Variants in SUMF1 observed in about 807,000 individuals in gnomAD.
The protein encoded by SUMF1 is formylglycine-generating enzyme.
Under a neutral mutation model 47.6 loss-of-function variants are expected in SUMF1, and 48 were observed. That is an observed-to-expected ratio of 1.01 (90% CI 0.80 to 1.28). The LOEUF (loss-of-function observed/expected upper bound fraction) is 1.28. Ranked by LOEUF, SUMF1 falls within the 50% of genes most tolerant of loss-of-function variation. The pLI, the probability that SUMF1 is intolerant of heterozygous loss-of-function variation, is 0.00. For missense variants in SUMF1, 571 were observed against 485.4 expected (o/e 1.18, Z -1.66); for synonymous variants, 230 against 192.1 (o/e 1.20, Z -1.63).
intron 8 of SUMF1, among the ~76,000 whole-genome samples, chr3:4,224,263 AG>A (rs1696128212): frequency 6.6e-6 from 1 of 152,112 alleles, no homozygotes; most frequent in Non-Finnish European, 1.5e-5. Flanking sequence ...AGACCTGGAA[AG>A]GGGAGAAAAA....
intron 8 of SUMF1, among the ~76,000 whole-genome samples, chr3:4,337,413 T>C (rs1342207371): frequency 6.6e-6 from 1 of 152,074 alleles, no homozygotes; most frequent in East Asian, 1.9e-4. Flanking sequence ...AATTACTTCA[T>C]TACTGGATGA....
At chr3:4,149,361 T>C (rs1270869248) in intron 8 of SUMF1, among the ~76,000 whole-genome samples, 1 of 152,096 alleles carries the variant, frequency 6.6e-6, no homozygotes, top group African/African-American at 2.4e-5. Flanking sequence ...CTATACACCA[T>C]TTTCTCCTTA....
At position 4,037,720 on chromosome 3, in the gene SUMF1, T is replaced by C. The variant is rs142536185; in HGVS notation, c.1191+30849A>G. On this transcript the variant is annotated intron_variant and NMD_transcript_variant, in intron 9 of 12. Transcript: ENST00000448413. ...AACTGATGCAATCATTTAGAGGACA[T>C]AGACACTTGGGTCATTTGGGTTGCC... 2.8e-3 allele frequency among the ~76,000 whole-genome samples: 430 copies of C among 152,300 alleles called. 8 individuals carry two copies. The highest frequency in any genetic ancestry group is 0.024 in the East Asian group (122 of 5,180).
At chr3:4,266,993 T>C (rs1697209169) in intron 8 of SUMF1, among the ~76,000 whole-genome samples, 2 of 152,178 alleles carry the variant, frequency 1.3e-5, no homozygotes, top group African/African-American at 4.8e-5. Flanking sequence ...CATGTGGTTT[T>C]TGTCTTTGGT....
At chr3:4,325,312 A>C (rs1344074966) in intron 8 of SUMF1, among the ~76,000 whole-genome samples, 1 of 152,160 alleles carries the variant, frequency 6.6e-6, no homozygotes, top group East Asian at 1.9e-4. Context: ...CATGGCTAGG[A>C]AGGCTCATTT....
intron 8 of SUMF1, among the ~76,000 whole-genome samples, chr3:4,138,708 T>C (rs1694002480): frequency 6.6e-6 from 1 of 152,118 alleles, no homozygotes; most frequent in African/African-American, 2.4e-5. Flanking sequence ...CCTTTCAGAC[T>C]TCACTTTATG....
intron 8 of SUMF1, among the ~76,000 whole-genome samples, chr3:4,241,266 T>C (rs1876613): frequency 0.39 from 58,993 of 151,964 alleles, 11,967 homozygotes; most frequent in Non-Finnish European, 0.45. Flanking sequence ...GATTAATACA[T>C]CCAGACTATC....
Position 4,296,917 on chromosome 3 carries a change from G to A in SUMF1, c.1014+79413C>T, listed in dbSNP as rs1295716461. ...TTATAATAATATAGTTATGTAATGT[G>A]AATCGAAAAAGAGACTGAAACCAGA... On this transcript the variant is annotated intron_variant and NMD_transcript_variant, in intron 8 of 12. Coordinates refer to the SUMF1 transcript ENST00000448413. Among the ~76,000 whole-genome samples, 16 of 152,260 alleles carry A rather than the reference G, an allele frequency of 1.1e-4. No individual in the cohort carries two copies. The South Asian group carries it at 2.3e-3, about 22-fold the overall frequency.
At chr3:4,216,859 A>T (rs901862576) in intron 8 of SUMF1, among the ~76,000 whole-genome samples, 1 of 152,214 alleles carries the variant, frequency 6.6e-6, no homozygotes, top group Non-Finnish European at 1.5e-5. Context: ...AAAAGTCAGG[A>T]AACAACAGAT....
At chr3:4,455,625 G>A (rs1039105618) in intron 1 of SUMF1, among the ~76,000 whole-genome samples, 2 of 152,212 alleles carry the variant, frequency 1.3e-5, no homozygotes, top group African/African-American at 4.8e-5. Context: ...GCTGAGGCAG[G>A]AGAATCACTG....
chr3:4,144,427 G>A (rs1013191411), intron 8 of SUMF1, among the ~76,000 whole-genome samples: 1 of 152,070 alleles, frequency 6.6e-6, no homozygotes, highest in Non-Finnish European at 1.5e-5. Flanking sequence ...TGGGAGCTTT[G>A]GACTCTGACA....
intron 9 of SUMF1, among the ~76,000 whole-genome samples, chr3:4,056,981 C>T (rs1353616091): frequency 6.6e-6 from 1 of 152,156 alleles, no homozygotes; most frequent in Non-Finnish European, 1.5e-5. Flanking sequence ...CTCCTGACCT[C>T]GTGATCCACC....
At chr3:4,180,736 C>G (rs1355924186) in intron 8 of SUMF1, among the ~76,000 whole-genome samples, 3 of 80,686 alleles carry the variant, frequency 3.7e-5, no homozygotes, top group Non-Finnish European at 5.0e-5. Flanking sequence ...TCCTATGGTC[C>G]CAGCTATTTG....
chr3:4,170,280 T>C (rs1489290516), intron 8 of SUMF1, among the ~76,000 whole-genome samples: 1 of 152,228 alleles, frequency 6.6e-6, no homozygotes. Context: ...TCTATATCAA[T>C]GGTTCTCAAA....
intron 8 of SUMF1, among the ~76,000 whole-genome samples, chr3:4,122,645 A>G (rs1323461435): frequency 6.6e-6 from 1 of 152,212 alleles, no homozygotes; most frequent in Non-Finnish European, 1.5e-5. Context: ...TTAAGAATCC[A>G]AAGTCCTCAT....
At chr3:4,071,408 G>C (rs185341127) in intron 8 of SUMF1, among the ~76,000 whole-genome samples, 20 of 152,268 alleles carry the variant, frequency 1.3e-4, no homozygotes, top group African/African-American at 4.6e-4. Flanking sequence ...GAAGCCATGA[G>C]AGACTGTAAC....
chr3:4,232,890 A>T (rs1181738046), intron 8 of SUMF1, among the ~76,000 whole-genome samples: 1 of 152,132 alleles, frequency 6.6e-6, no homozygotes, highest in Non-Finnish European at 1.5e-5. Context: ...ACAAATCCCC[A>T]CAGAGTCATT....
At chr3:4,235,048 G>C (rs887251210) in intron 8 of SUMF1, among the ~76,000 whole-genome samples, 2 of 152,096 alleles carry the variant, frequency 1.3e-5, no homozygotes, top group Admixed American at 6.6e-5. Flanking sequence ...TAAATTTGAA[G>C]ACAGTAACAC....
rs1324255931 is a variant in SUMF1, at chr3:4,434,870, AG to A, written c.519+14395del. Among the ~76,000 whole-genome samples the A allele has an allele frequency of 3.3e-5, 5 of 152,320 alleles. No homozygotes were observed. In the East Asian group the frequency reaches 9.6e-4, roughly 29 times the overall value. ...CCAGAGACCCGATACTGGAGGGAAA[AG>A]AATATGAACAGATGCCAACCCCAAG... On this transcript the variant is annotated intron_variant, in intron 3 of 8. Transcript: ENST00000272902.
Sources: allele counts gnomAD v4.1 joint callset (sites outside exome capture counted in the v4.1 genomes callset), GRCh38; gene constraint gnomAD v4.1.1; transcripts MANE v1.5; gene names NCBI Gene and HGNC (gene_info 2026-07-23, HGNC 2026-07-21).